The following HIPK3 variants were observed in gnomAD, a reference collection of about 807,000 sequenced individuals.
The protein encoded by HIPK3 is homeodomain-interacting protein kinase 3.
In HIPK3, 47 loss-of-function variants were observed where a neutral mutation model predicts 124.2. That is an observed-to-expected ratio of 0.38 (90% confidence interval 0.30 to 0.48). The LOEUF is 0.48. Ranked by LOEUF, HIPK3 falls within the 20% of genes least tolerant of loss-of-function variation. HIPK3 has a pLI of 0.98. For missense variants in HIPK3, 1,286 were observed against 1,454.3 expected (o/e 0.88, Z 1.88); for synonymous variants, 482 against 515.2 (o/e 0.94, Z 0.87).
At chr11:33,293,256 A>C (rs769976669) in intron 2 of HIPK3, among the ~76,000 whole-genome samples, 10 of 152,188 alleles carry the variant, frequency 6.6e-5, no homozygotes, top group African/African-American at 9.7e-5. Flanking sequence ...TTAAGTATAC[A>C]ATTTAATGGC....
intron 2 of HIPK3, among the ~76,000 whole-genome samples, chr11:33,309,007 A>G (rs1269879795): frequency 6.6e-6 from 1 of 152,158 alleles, no homozygotes; most frequent in East Asian, 1.9e-4. Flanking sequence ...GGATTTGTGA[A>G]CAAAAGTTCT....
At chr11:33,351,567 G>T in intron 14 of HIPK3, 41 bp from the exon 15 acceptor site, 1 of 1,414,068 alleles carries the variant, frequency 7.1e-7, no homozygotes, top group Non-Finnish European at 1.0e-6. Flanking sequence ...ATTTAATGTT[G>T]GAAAAAAATA....
intron 2 of HIPK3, among the ~76,000 whole-genome samples, chr11:33,294,309 T>C (rs1233765983): frequency 3.4e-5 from 5 of 147,314 alleles, no homozygotes; most frequent in African/African-American, 1.3e-4. Flanking sequence ...TTGTAAAAAA[T>C]AGTACAAAGG....
chr11:33,266,783 G>A (rs1437295605), intron 1 of HIPK3, among the ~76,000 whole-genome samples: 1 of 151,974 alleles, frequency 6.6e-6, no homozygotes, highest in Non-Finnish European at 1.5e-5. Context: ...ACTTTGCCAA[G>A]TCCTGATGGA....
intron 2 of HIPK3, among the ~76,000 whole-genome samples, chr11:33,302,033 A>G (rs1327875207): frequency 6.6e-6 from 1 of 152,176 alleles, no homozygotes; most frequent in Non-Finnish European, 1.5e-5. Flanking sequence ...GGGAGAAGCA[A>G]TACTACTACT....
At chr11:33,348,985 C>A (rs887334761) in intron 13 of HIPK3, among the ~76,000 whole-genome samples, 162 bp from the exon 14 acceptor site, 1 of 152,174 alleles carries the variant, frequency 6.6e-6, no homozygotes, top group African/African-American at 2.4e-5. Context: ...ACATTTAGCA[C>A]GATTATTATA....
chr11:33,330,621 C>A (rs1318530719), intron 3 of HIPK3, among the ~76,000 whole-genome samples: 1 of 152,156 alleles, frequency 6.6e-6, no homozygotes, highest in Admixed American at 6.5e-5. Context: ...GCCACTGTGC[C>A]CCGCCCACAG....
intron 1 of HIPK3, among the ~76,000 whole-genome samples, chr11:33,263,866 A>G (rs1850888203): frequency 6.6e-6 from 1 of 152,214 alleles, no homozygotes; most frequent in Admixed American, 6.5e-5. Context: ...CTTTTTCTAC[A>G]ATTAAAACAA....
chr11:33,321,779 CT>C (rs1351748146), intron 2 of HIPK3, among the ~76,000 whole-genome samples: 2 of 152,096 alleles, frequency 1.3e-5, no homozygotes, highest in African/African-American at 4.8e-5. Context: ...TTTAGATAAT[CT>C]TCTGAGTGTG....
In HIPK3 at chr11:33,354,709, T is replaced by TA. The variant is rs1385554981; in HGVS notation, c.*1141_*1142insA. 6.6e-6 allele frequency: 1 copy of TA among 152,092 alleles called. No individual in the cohort carries two copies. The highest frequency in any genetic ancestry group is 1.5e-5 in the Non-Finnish European group (1 of 67,888). 9.4% of individuals were successfully genotyped at this position (152,092 alleles called of 1,614,324 possible). A position where few individuals can be genotyped will look rare whatever the true frequency, so the allele number is the denominator to read the frequency against. ...TTATGCATGTGAGAGGGTTTTTTTTTTTTTTAAGTATTTTTACATTGCAGT... is the reference window on the plus strand; with the variant it reads ...TTATGCATGTGAGAGGGTTTTTTTTTATTTTTAAGTATTTTTACATTGCAGT... On this transcript the variant is annotated 3_prime_UTR_variant, in exon 17 of 17. Transcript: ENST00000303296.
chr11:33,340,006 T>TC (rs1853282703), intron 6 of HIPK3, among the ~76,000 whole-genome samples: 1 of 152,166 alleles, frequency 6.6e-6, no homozygotes, highest in Non-Finnish European at 1.5e-5. Context: ...GGTCAGTAGA[T>TC]CATAGGTCAG....
intron 3 of HIPK3, 94 bp downstream of exon 3, chr11:33,328,727 G>A: frequency 9.1e-7 from 1 of 1,104,704 alleles, no homozygotes; most frequent in South Asian, 1.8e-5. Context: ...CAATACACTG[G>A]AAAGTCTTTT....
chr11:33,293,978 C>T (rs1049772692), intron 2 of HIPK3, among the ~76,000 whole-genome samples: 2 of 151,938 alleles, frequency 1.3e-5, no homozygotes, highest in African/African-American at 2.4e-5. Context: ...TCCAGCCTGG[C>T]GAGCATGGTC....
At chr11:33,297,777 G>GTTTTT (rs1851881555) in intron 2 of HIPK3, among the ~76,000 whole-genome samples, 1 of 130,884 alleles carries the variant, frequency 7.6e-6, no homozygotes, top group African/African-American at 2.9e-5. Flanking sequence ...CAAAGAACAG[G>GTTTTT]CTTTTTTTTT....
chr11:33,278,570 C>T (rs1053722921), intron 1 of HIPK3, among the ~76,000 whole-genome samples: 5 of 152,094 alleles, frequency 3.3e-5, no homozygotes, highest in African/African-American at 1.2e-4. Flanking sequence ...GTTTTTTTAG[C>T]ATGCTCACTG....
At chr11:33,298,757 G>A (rs1255538326) in intron 2 of HIPK3, among the ~76,000 whole-genome samples, 1 of 152,186 alleles carries the variant, frequency 6.6e-6, no homozygotes, top group Non-Finnish European at 1.5e-5. Flanking sequence ...AGTAGAATTA[G>A]AAGTGGAGTT....
At chr11:33,303,141 C>T (rs992173401) in intron 2 of HIPK3, among the ~76,000 whole-genome samples, 4 of 152,112 alleles carry the variant, frequency 2.6e-5, no homozygotes, top group Admixed American at 6.6e-5. Flanking sequence ...CCAGGACCCC[C>T]CACGGACATC....
chr11:33,347,257 T>G, intron 8 of HIPK3, 36 bp from the exon 9 acceptor site: 1 of 1,573,286 alleles, frequency 6.4e-7, no homozygotes, highest in Non-Finnish European at 8.7e-7. Context: ...AAGAGGAAGA[T>G]TTTTTCTTTT....
chr11:33,332,432 T>C (rs1853013320), intron 3 of HIPK3, among the ~76,000 whole-genome samples: 2 of 152,198 alleles, frequency 1.3e-5, no homozygotes, highest in South Asian at 2.1e-4. Flanking sequence ...TAGGGACATA[T>C]CAAAAGTATT....
Sources: gnomAD v4.1 joint callset for allele counts (sites outside exome capture counted in the v4.1 genomes callset) on GRCh38, gnomAD v4.1.1 for gene constraint, MANE v1.5 for transcripts, NCBI Gene and HGNC (gene_info 2026-07-23, HGNC 2026-07-21) for gene names.